MYH14: variants seen among roughly 807,000 people sequenced by gnomAD.
MYH14 encodes the protein myosin-14.
Under a neutral mutation model 255.5 loss-of-function variants are expected in MYH14, and 123 were observed. The observed-to-expected ratio is 0.48, with a 90% CI of 0.42 to 0.56. MYH14 has a LOEUF of 0.56. Among genes scored for constraint, MYH14 ranks in the 20% least tolerant of loss-of-function variants. The pLI, the probability that MYH14 is intolerant of heterozygous loss-of-function variation, is 0.00. For synonymous variants in MYH14, 1,095 were observed against 1,161.2 expected (o/e 0.94, Z 1.16); for missense variants, 2,423 against 2,802.3 (o/e 0.86, Z 3.06).
intron 22 of MYH14, among the ~76,000 whole-genome samples, chr19:50,264,992 C>T (rs1305799707): frequency 1.3e-5 from 2 of 152,126 alleles, no homozygotes; most frequent in African/African-American, 4.8e-5. Context: ...GCCTGCATTC[C>T]CTTGGTCAGT....
chr19:50,280,353 G>A lies in MYH14; in HGVS notation c.4260G>A (p.Ala1420=), dbSNP rs971012911. The change falls in exon 32 of 43, where the codon GCG becomes GCA. Residue 1420 remains alanine (A), a synonymous_variant. Transcript: ENST00000642316. This position sits in a 1 kb window ranked among gnomAD's most constrained non-coding sequence, Gnocchi z 4.8. ...AGGAGGCAGCTGCCAGGGAACGGGC[G>A]GGCCGTGAACTGCAGACTGCCCAGG... ...LEEEAAARER[A]GRELQTAQAQ... The A allele has an allele frequency of 3.9e-6, 6 of 1,547,302 alleles. No individual in the cohort carries two copies. Among genetic ancestry groups the A allele is most frequent in the Non-Finnish European group, 3.5e-6 (4 of 1,145,368 alleles).
intron 11 of MYH14, among the ~76,000 whole-genome samples, chr19:50,245,694 A>G (rs2034085205): frequency 6.6e-6 from 1 of 152,194 alleles, no homozygotes. Context: ...TGCACAGCAC[A>G]GAAAATAGGA....
intron 27 of MYH14, among the ~76,000 whole-genome samples, chr19:50,274,551 TC>T (rs1186312933): frequency 2.0e-4 from 30 of 152,156 alleles, no homozygotes; most frequent in Non-Finnish European, 3.5e-4. Flanking sequence ...TGCCTTGGCC[TC>T]CCAAAGTGCT....
At chr19:50,298,177 G>C (rs1318444034) in intron 39 of MYH14, among the ~76,000 whole-genome samples, 1 of 152,136 alleles carries the variant, frequency 6.6e-6, no homozygotes, top group East Asian at 1.9e-4. Flanking sequence ...ACCCAGCGAG[G>C]CCTGTCTGTT....
At position 50,257,512 on chromosome 19, in the gene MYH14, G is replaced by A. The variant is rs759657015; in HGVS notation, c.2232+26G>A. 2.5e-6 allele frequency: 4 copies of A among 1,578,184 alleles called. No individual in the cohort carries two copies. In the South Asian group the frequency reaches 4.6e-5, roughly 18 times the overall value. ...GTGAGTGACTCAGCCTGGGGAGGAA[G>A]GGGTGGCTGTGGCTGTGGGTTAAGG... On this transcript the variant is annotated intron_variant, in intron 18 of 42. Coordinates refer to ENST00000642316, the MANE Select transcript of MYH14 (RefSeq NM_001145809.2).
chr19:50,307,545 A>G (rs1363090201), intron 41 of MYH14, among the ~76,000 whole-genome samples: 2 of 152,128 alleles, frequency 1.3e-5, no homozygotes, highest in Non-Finnish European at 2.9e-5. Context: ...CCTCTTATTT[A>G]TGTGAGGAAA....
intron 19 of MYH14, 80 bp from the exon 20 acceptor site, chr19:50,260,565 GC>G: frequency 1.1e-6 from 1 of 913,428 alleles, no homozygotes; most frequent in South Asian, 1.4e-5. Flanking sequence ...GTCACTCTGA[GC>G]CCAGTGCCTG....
In MYH14 at chr19:50,263,563, T is replaced by C. The variant is rs530217899; in HGVS notation, c.2694+143T>C. ...GCCAGTCGGCCCAGGCTTTGCTAGC[T>C]GGGATTCTTTAGTTAGCAAGCAACA... On this transcript the variant is annotated intron_variant, in intron 22 of 42. Coordinates refer to ENST00000642316, the MANE Select transcript of MYH14 (RefSeq NM_001145809.2). The C allele has an allele frequency of 2.5e-4, 123 of 495,428 alleles. No homozygotes were observed. The East Asian group carries it at 3.9e-3, about 16-fold the overall frequency. The allele number at this position is 495,428 out of a possible 1,614,324, so 30.7% of individuals were successfully genotyped here.
chr19:50,238,009 C>T (rs934377485), intron 10 of MYH14, among the ~76,000 whole-genome samples: 1 of 152,170 alleles, frequency 6.6e-6, no homozygotes, highest in Non-Finnish European at 1.5e-5. Flanking sequence ...CAGTGTCACC[C>T]ACAGGGAGCC....
At position 50,217,682 on chromosome 19, in the gene MYH14, T is replaced by C. The variant is rs753795403; in HGVS notation, c.473T>C (p.Ile158Thr). The C allele has an allele frequency of 5.0e-6, 8 of 1,614,000 alleles. No homozygotes were observed. The East Asian group carries it at 6.7e-5, about 13-fold the overall frequency. ...YKQLPIYTEA[I>T]VEMYRGKKRH... ...CAGCTTCCCATCTACACAGAAGCCATTGTGGAGATGTACCGGGGCAAGAAG... is the reference window on the plus strand; with the variant it reads ...CAGCTTCCCATCTACACAGAAGCCACTGTGGAGATGTACCGGGGCAAGAAG... Residue 158 changes from isoleucine (I) to threonine (T), a missense_variant, in exon 3 of 43, where the codon ATT becomes ACT. Ile to Thr is a moderately conservative substitution (Grantham distance 89). This residue lies in a region of MYH14 where 238 missense variants were observed against 245.8 expected (regional missense o/e 0.97). Coordinates refer to ENST00000642316, the MANE Select transcript of MYH14 (RefSeq NM_001145809.2).
At position 50,256,789 on chromosome 19, in the gene MYH14, T is replaced by C. The variant is rs1371401024; in HGVS notation, c.2045-510T>C. Among the ~76,000 whole-genome samples the C allele has an allele frequency of 2.0e-5, 3 of 152,260 alleles. No homozygotes were observed. In the East Asian group the frequency reaches 5.8e-4, roughly 29 times the overall value. On this transcript the variant is annotated intron_variant, in intron 17 of 42. Coordinates refer to ENST00000642316, the MANE Select transcript of MYH14 (RefSeq NM_001145809.2). ...CAAGAATTTATTACATCTTTTAATATGTTTCAGATTCCTAAAATGCAACTG... is the reference window on the plus strand; with the variant it reads ...CAAGAATTTATTACATCTTTTAATACGTTTCAGATTCCTAAAATGCAACTG...
intron 8 of MYH14, among the ~76,000 whole-genome samples, chr19:50,229,903 G>A (rs2033289256): frequency 6.6e-6 from 1 of 152,072 alleles, no homozygotes. Flanking sequence ...AACTCATCCA[G>A]GGTCGATGAG....
At position 50,280,062 on chromosome 19, in the gene MYH14, C is replaced by T. The variant is rs561525083; in HGVS notation, c.4058C>T (p.Ala1353Val). The T allele has an allele frequency of 2.9e-5, 47 of 1,610,144 alleles. No homozygotes were observed. The East Asian group carries it at 4.9e-4, about 17-fold the overall frequency. ...AQAELENVSG[A>V]LNEAESKTIR... ...GCTGAACTGGAGAATGTGTCTGGGG[C>T]GCTGAACGAGGCTGAGTCCAAAACC... The change falls in exon 31 of 43, where the codon GCG (alanine) becomes GTG (valine). Residue 1353 changes from alanine to valine, a missense_variant. Ala to Val is a moderately conservative substitution (Grantham distance 64). This residue lies in a region of MYH14 where 1,513 missense variants were observed against 1,674.8 expected (regional missense o/e 0.90). Coordinates refer to ENST00000642316, the MANE Select transcript of MYH14 (RefSeq NM_001145809.2). This position sits in a 1 kb window ranked among gnomAD's most constrained non-coding sequence, Gnocchi z 4.8.
At chr19:50,204,582 C>T (rs971985263) in intron 1 of MYH14, among the ~76,000 whole-genome samples, 1 of 152,332 alleles carries the variant, frequency 6.6e-6, no homozygotes, top group Admixed American at 6.5e-5. Flanking sequence ...TGCTGATCAC[C>T]CCTATGTCAT....
At position 50,293,278 on chromosome 19, in the gene MYH14, C is replaced by A. The variant is rs766866459; in HGVS notation, c.5302C>A (p.Arg1768=). 53 of 1,609,824 alleles carry A rather than the reference C, an allele frequency of 3.3e-5. No homozygotes were observed. Among genetic ancestry groups the A allele is most frequent in the Non-Finnish European group, 4.3e-5 (51 of 1,178,432 alleles). ...TGCTCGGCGGCAGGCCCAGCAGGAC[C>A]GGGATGAGATGGCAGATGAGGTGGC... ...DRARRQAQQD[R]DEMADEVANG... is the part of the protein sequence containing the mutation. The change falls in exon 38 of 43, where the codon CGG becomes AGG. Residue 1768 remains arginine, a synonymous_variant. Coordinates refer to ENST00000642316, the MANE Select transcript of MYH14 (RefSeq NM_001145809.2). This position sits in a 1 kb window ranked among gnomAD's most constrained non-coding sequence, Gnocchi z 4.1.
chr19:50,309,322 C>G (rs866116081), intron 42 of MYH14, 145 bp downstream of exon 42: 7 of 801,804 alleles, frequency 8.7e-6, no homozygotes, highest in Non-Finnish European at 1.0e-5. Flanking sequence ...GGCTGTGTTG[C>G]GGGAGAGCCA....
At chr19:50,209,254 G>A (rs1047699366) in intron 1 of MYH14, among the ~76,000 whole-genome samples, 1 of 152,190 alleles carries the variant, frequency 6.6e-6, no homozygotes, top group Non-Finnish European at 1.5e-5. Context: ...TAGTGCACAG[G>A]TGGTGGTGGC....
Position 50,247,058 on chromosome 19 carries a change from C to G in MYH14, c.1265C>G (p.Ala422Gly), listed in dbSNP as rs372324948. 4.3e-5 allele frequency: 70 copies of G among 1,613,392 alleles called. No homozygotes were observed. In the Middle Eastern group the frequency reaches 1.2e-3, roughly 27 times the overall value. ...CTGGGGGTGACGGATTTCTCCCGAG[C>G]CTTGCTCACCCCTCGCATCAAAGTT... ...LGLGVTDFSR[A>G]LLTPRIKVGR... Residue 422 changes from alanine to glycine, a missense_variant, in exon 12 of 43, where the codon GCC becomes GGC. Ala to Gly is a moderately conservative substitution (Grantham distance 60). Transcript: ENST00000642316.
At chr19:50,274,495 A>G (rs371398076) in intron 27 of MYH14, among the ~76,000 whole-genome samples, 3 of 152,088 alleles carry the variant, frequency 2.0e-5, no homozygotes, top group South Asian at 2.1e-4. Flanking sequence ...GGGTTTCACT[A>G]TGTTGGCCAG....
Sources: allele counts gnomAD v4.1 joint callset (sites outside exome capture counted in the v4.1 genomes callset), GRCh38; gene constraint gnomAD v4.1.1; regional missense constraint gnomAD v4.1.1; non-coding constraint Gnocchi (gnomAD v3.1); transcripts MANE v1.5; gene names NCBI Gene and HGNC (gene_info 2026-07-23, HGNC 2026-07-21).